IGFL2: variants seen among roughly 807,000 people sequenced by gnomAD.
IGFL2 encodes the protein insulin growth factor-like family member 2.
In IGFL2, 7 loss-of-function variants were observed where a neutral mutation model predicts 13.9. That is an observed-to-expected ratio of 0.51 (90% CI 0.29 to 0.95). IGFL2 has a LOEUF of 0.95. Among genes scored for constraint, IGFL2 ranks in the 40% least tolerant of loss-of-function variants. The pLI, the probability that IGFL2 is intolerant of heterozygous loss-of-function variation, is 0.08. For synonymous variants in IGFL2, 55 were observed against 55.8 expected (o/e 0.99, Z 0.07); for missense variants, 138 against 147.8 (o/e 0.93, Z 0.34).
the IGFL2 span, among the ~76,000 whole-genome samples, chr19:46,087,194 A>G: frequency 1.3e-5 from 2 of 152,150 alleles, no homozygotes; most frequent in Non-Finnish European, 2.9e-5. Context: ...AGCATGGGCA[A>G]TGGCAGTAGC....
intron 1 of IGFL2, among the ~76,000 whole-genome samples, chr19:46,151,587 A>C (rs993800513): frequency 6.6e-6 from 1 of 152,110 alleles, no homozygotes; most frequent in Non-Finnish European, 1.5e-5. Flanking sequence ...TTTATGTTTC[A>C]ATATGAGTTT....
chr19:46,202,291 C>T, the IGFL2 span, among the ~76,000 whole-genome samples: 8 of 152,214 alleles, frequency 5.3e-5, no homozygotes, highest in Admixed American at 6.5e-5. Context: ...ATGGGGAAAT[C>T]GAAAGTGCCA....
At chr19:46,118,731 C>T in the IGFL2 span, among the ~76,000 whole-genome samples, 1 of 152,276 alleles carries the variant, frequency 6.6e-6, no homozygotes, top group East Asian at 1.9e-4. Flanking sequence ...CCCATGCACC[C>T]CTGGGAGAGT....
chr19:46,184,815 C>A, the IGFL2 span, among the ~76,000 whole-genome samples: 1 of 152,186 alleles, frequency 6.6e-6, no homozygotes, highest in East Asian at 1.9e-4. Context: ...AGTTCTAGAT[C>A]CTTGAGGAAT....
At chr19:46,186,951 G>A in the IGFL2 span, among the ~76,000 whole-genome samples, 1 of 152,218 alleles carries the variant, frequency 6.6e-6, no homozygotes, top group Non-Finnish European at 1.5e-5. Context: ...CAGATCACAC[G>A]ATTATAAAAC....
chr19:46,177,564 A>C, the IGFL2 span, among the ~76,000 whole-genome samples: 1 of 152,170 alleles, frequency 6.6e-6, no homozygotes, highest in Non-Finnish European at 1.5e-5. Flanking sequence ...AATGAGAAAG[A>C]ATGAGAAAAC....
At chr19:46,205,437 T>A in the IGFL2 span, among the ~76,000 whole-genome samples, 1 of 152,166 alleles carries the variant, frequency 6.6e-6, no homozygotes, top group African/African-American at 2.4e-5. Flanking sequence ...AAAGTCCATT[T>A]GCATAATAAG....
the IGFL2 span, among the ~76,000 whole-genome samples, chr19:46,095,765 C>G: frequency 6.6e-6 from 1 of 152,120 alleles, no homozygotes. Context: ...CCAGTTTTCC[C>G]AGCACCATTT....
the IGFL2 span, among the ~76,000 whole-genome samples, chr19:46,118,226 T>A: frequency 6.6e-6 from 1 of 152,298 alleles, no homozygotes; most frequent in South Asian, 2.1e-4. Flanking sequence ...ACTTTGGAGA[T>A]GAATCATAAC....
chr19:46,140,745 G>C (rs1052861161), upstream of IGFL2, among the ~76,000 whole-genome samples: 1 of 152,196 alleles, frequency 6.6e-6, no homozygotes, highest in African/African-American at 2.4e-5. Flanking sequence ...GTGGGAACCA[G>C]TACCAGGACA....
At chr19:46,187,240 G>A in the IGFL2 span, among the ~76,000 whole-genome samples, 1 of 150,494 alleles carries the variant, frequency 6.6e-6, no homozygotes, top group Non-Finnish European at 1.5e-5. Flanking sequence ...TTAAACCTGA[G>A]GTTGTGCTGC....
chr19:46,125,931 G>A, the IGFL2 span, among the ~76,000 whole-genome samples: 1 of 152,104 alleles, frequency 6.6e-6, no homozygotes, highest in African/African-American at 2.4e-5. Context: ...CTTTACTATT[G>A]GGCATTGGGA....
chr19:46,083,893 C>G, the IGFL2 span, among the ~76,000 whole-genome samples: 1 of 152,214 alleles, frequency 6.6e-6, no homozygotes, highest in African/African-American at 2.4e-5. Context: ...TAAGGGTATT[C>G]TGGTGCTACC....
chr19:46,155,718 A>T (rs1215982282), intron 1 of IGFL2, among the ~76,000 whole-genome samples: 1 of 152,164 alleles, frequency 6.6e-6, no homozygotes, highest in Non-Finnish European at 1.5e-5. Flanking sequence ...ATTCCCCCCC[A>T]ATATAGATAT....
chr19:46,137,191 C>T, the IGFL2 span: 1 of 1,591,888 alleles, frequency 6.3e-7, no homozygotes. Flanking sequence ...TCACAAACTT[C>T]ACAGAGCTTG....
chr19:46,164,088 G>GACCTCT (rs1555749058), downstream of IGFL2: 2 of 152,282 alleles, frequency 1.3e-5, no homozygotes, highest in African/African-American at 4.8e-5. Flanking sequence ...TGTGCTGGGG[G>GACCTCT]TCCATGTCAG....
At chr19:46,178,282 GA>G in the IGFL2 span, among the ~76,000 whole-genome samples, 5 of 149,124 alleles carry the variant, frequency 3.4e-5, no homozygotes, top group African/African-American at 7.4e-5. Flanking sequence ...GCCTCAAAAA[GA>G]AAAAAAAAAT....
At chr19:46,080,631 T>A in the IGFL2 span, among the ~76,000 whole-genome samples, 7 of 152,216 alleles carry the variant, frequency 4.6e-5, no homozygotes, top group Admixed American at 3.3e-4. Context: ...GATTCAGGAC[T>A]TAAGCATTGT....
At chr19:46,144,084 T>C (rs1372561064), upstream of IGFL2, among the ~76,000 whole-genome samples, 1 of 152,210 alleles carries the variant, frequency 6.6e-6, no homozygotes, top group African/African-American at 2.4e-5. Context: ...TGGCATACTT[T>C]TTATGTAAAG....
Sources: allele counts gnomAD v4.1 joint callset (sites outside exome capture counted in the v4.1 genomes callset), GRCh38; gene constraint gnomAD v4.1.1; transcripts MANE v1.5; gene names NCBI Gene and HGNC (gene_info 2026-07-23, HGNC 2026-07-21).